Variants in DPP6 observed in about 807,000 individuals in gnomAD.
The protein encoded by DPP6 is A-type potassium channel modulatory protein DPP6.
In DPP6, 69 loss-of-function variants were observed where a neutral mutation model predicts 122.6. The ratio of observed to expected loss-of-function variants is 0.56; its 90% CI spans 0.46 to 0.69. The LOEUF (loss-of-function observed/expected upper bound fraction) is 0.69, where lower values mean the gene tolerates loss of function less well. Among genes scored for constraint, DPP6 ranks in the 30% least tolerant of loss-of-function variants. The probability of loss-of-function intolerance (pLI) is 0.00; values close to 1 mark genes in which losing one functional copy is unlikely to be tolerated. For missense variants in DPP6, 928 were observed against 1,116.9 expected, an observed-to-expected ratio of 0.83 and a Z score of 2.41; for synonymous variants, 418 against 433.1, an observed-to-expected ratio of 0.97 and a Z score of 0.43.
chr7:154,876,620 T>A (rs1224174706), intron 20 of DPP6, among the ~76,000 whole-genome samples: 1 of 152,212 alleles, frequency 6.6e-6, no homozygotes, highest in Non-Finnish European at 1.5e-5. Flanking sequence ...GTCATTCCTG[T>A]GCATCCCTAT....
At chr7:154,849,258 C>T (rs1447106685) in intron 16 of DPP6, among the ~76,000 whole-genome samples, 1 of 152,162 alleles carries the variant, frequency 6.6e-6, no homozygotes, top group African/African-American at 2.4e-5. Flanking sequence ...ATCTACAAAT[C>T]ACTTTTGGTA....
chr7:154,258,602 G>A (rs989106876), intron 1 of DPP6, among the ~76,000 whole-genome samples: 1 of 152,172 alleles, frequency 6.6e-6, no homozygotes, highest in Non-Finnish European at 1.5e-5. Flanking sequence ...AAAGGAATAG[G>A]ATCATACCCA....
At chr7:153,909,942 G>A (rs1027572969) in intron 1 of DPP6, among the ~76,000 whole-genome samples, 29 of 152,214 alleles carry the variant, frequency 1.9e-4, no homozygotes, top group African/African-American at 6.5e-4. Context: ...GTCCTGCTAA[G>A]GGGCCATTCA....
the DPP6 span, among the ~76,000 whole-genome samples, chr7:153,836,340 C>T: frequency 1.1e-4 from 16 of 152,030 alleles, no homozygotes; most frequent in Admixed American, 3.3e-4. Flanking sequence ...AGCATTTGTA[C>T]GTGGGGTGGG....
the DPP6 span, among the ~76,000 whole-genome samples, chr7:153,787,864 A>G: frequency 7.6e-6 from 1 of 131,574 alleles, no homozygotes; most frequent in Non-Finnish European, 1.7e-5. Flanking sequence ...TGTTGTGTCT[A>G]TCTTTCTGGA....
intron 3 of DPP6, among the ~76,000 whole-genome samples, chr7:154,534,510 G>A (rs1828083962): frequency 6.6e-6 from 1 of 151,872 alleles, no homozygotes; most frequent in Non-Finnish European, 1.5e-5. Flanking sequence ...AAGTGAACTA[G>A]AACAAAAAAG....
intron 8 of DPP6, among the ~76,000 whole-genome samples, chr7:154,733,091 G>A (rs1358457870): frequency 1.3e-5 from 2 of 152,166 alleles, no homozygotes; most frequent in African/African-American, 4.8e-5. Context: ...CCACCGTCCT[G>A]GTTCCACCTA....
chr7:154,761,805 G>A (rs540843308), intron 8 of DPP6, among the ~76,000 whole-genome samples: 3 of 152,064 alleles, frequency 2.0e-5, no homozygotes, highest in East Asian at 1.9e-4. Context: ...CCATTAACTC[G>A]TCATTTACAT....
At chr7:154,060,637 A>G (rs1416042932) in intron 1 of DPP6, among the ~76,000 whole-genome samples, 28 of 124,574 alleles carry the variant, frequency 2.2e-4, no homozygotes, top group East Asian at 5.2e-4. Context: ...CCATCGCAGG[A>G]GGGGGAGGCA....
intron 2 of DPP6, among the ~76,000 whole-genome samples, chr7:154,446,608 C>A (rs1819895063): frequency 6.6e-6 from 1 of 152,058 alleles, no homozygotes; most frequent in Non-Finnish European, 1.5e-5. Flanking sequence ...AAGACAGTGG[C>A]ATAAATATAA....
At chr7:154,395,596 G>A (rs1241699621) in intron 1 of DPP6, among the ~76,000 whole-genome samples, 1 of 152,022 alleles carries the variant, frequency 6.6e-6, no homozygotes, top group Non-Finnish European at 1.5e-5. Context: ...TATTGTGCAT[G>A]GACTTTGAAA....
At chr7:153,819,654 G>A in the DPP6 span, among the ~76,000 whole-genome samples, 1 of 152,170 alleles carries the variant, frequency 6.6e-6, no homozygotes, top group African/African-American at 2.4e-5. Flanking sequence ...ATTAATAAAT[G>A]TAATAATGAA....
intron 3 of DPP6, among the ~76,000 whole-genome samples, chr7:154,518,874 A>AAAGCCATATAACCACC (rs1288330967): frequency 6.6e-6 from 1 of 152,220 alleles, no homozygotes; most frequent in African/African-American, 2.4e-5. Flanking sequence ...AAGGCACAGA[A>AAAGCCATATAACCACC]AAGCCATATA....
chr7:153,814,245 T>C, the DPP6 span, among the ~76,000 whole-genome samples: 675 of 152,154 alleles, frequency 4.4e-3, 3 homozygotes, highest in African/African-American at 0.011. Flanking sequence ...AAGAATCAAA[T>C]AGATGCAATA....
At chr7:154,245,635 C>CAAAAAAAAAAAAAA (rs71182888) in intron 1 of DPP6, among the ~76,000 whole-genome samples, 124 of 100,616 alleles carry the variant, frequency 1.2e-3, no homozygotes, top group East Asian at 6.3e-3. Context: ...AAGACTGTCT[C>CAAAAAAAAAAAAAA]AAAAAAAAAA....
intron 1 of DPP6, among the ~76,000 whole-genome samples, chr7:154,343,469 T>A (rs1421898055): frequency 1.3e-5 from 2 of 152,236 alleles, no homozygotes; most frequent in Non-Finnish European, 2.9e-5. Context: ...CGGCTTGAAG[T>A]CCAAAATCAC....
At chr7:154,338,940 C>G (rs1331575300) in intron 1 of DPP6, among the ~76,000 whole-genome samples, 2 of 152,186 alleles carry the variant, frequency 1.3e-5, no homozygotes, top group Non-Finnish European at 2.9e-5. Context: ...GGAGCAGCCT[C>G]AATGCTCTAC....
At chr7:154,111,385 A>G (rs1806560922) in intron 1 of DPP6, among the ~76,000 whole-genome samples, 1 of 152,186 alleles carries the variant, frequency 6.6e-6, no homozygotes, top group African/African-American at 2.4e-5. Flanking sequence ...CTGTCTCATA[A>G]GAATGTTTTG....
intron 21 of DPP6, among the ~76,000 whole-genome samples, chr7:154,881,259 A>G (rs2150671847): frequency 6.6e-6 from 1 of 152,346 alleles, no homozygotes; most frequent in African/African-American, 2.4e-5. Context: ...TAGCCAGGAA[A>G]GAAGCAAAGC....
Sources: allele counts gnomAD v4.1 joint callset (sites outside exome capture counted in the v4.1 genomes callset), GRCh38; gene constraint gnomAD v4.1.1; transcripts MANE v1.5; gene names NCBI Gene and HGNC (gene_info 2026-07-23, HGNC 2026-07-21).